The following PTPRN2 variants were observed in gnomAD, a reference collection of about 807,000 sequenced individuals.
PTPRN2 encodes protein tyrosine phosphatase receptor type N2.
A neutral mutation model predicts 118.8 loss-of-function variants in PTPRN2; 74 were observed. That is an observed-to-expected ratio of 0.62 (90% confidence interval 0.52 to 0.76). The LOEUF (loss-of-function observed/expected upper bound fraction) is 0.76, where lower values mean the gene tolerates loss of function less well. PTPRN2 is among the 30% of genes least tolerant of loss of function. The probability of loss-of-function intolerance (pLI) is 0.00; values close to 1 mark genes in which losing one functional copy is unlikely to be tolerated. For synonymous variants in PTPRN2, 641 were observed against 608.0 expected (o/e 1.05, Z -0.80); for missense variants, 1,481 against 1,394.4 (o/e 1.06, Z -0.99).
intron 12 of PTPRN2, among the ~76,000 whole-genome samples, chr7:157,783,618 G>A (rs1333988894): frequency 3.3e-5 from 5 of 151,410 alleles, no homozygotes; most frequent in South Asian, 2.1e-4. Flanking sequence ...AAAAAGTTCT[G>A]CAAAGAAAAG....
intron 3 of PTPRN2, among the ~76,000 whole-genome samples, chr7:158,235,611 G>C (rs1428204015): frequency 6.6e-6 from 1 of 152,202 alleles, no homozygotes; most frequent in African/African-American, 2.4e-5. Flanking sequence ...TGGGAGGAAG[G>C]AAGGAGAGAC....
At chr7:157,545,390 G>T (rs934918670) in intron 22 of PTPRN2, among the ~76,000 whole-genome samples, 1 of 149,370 alleles carries the variant, frequency 6.7e-6, no homozygotes, top group South Asian at 2.2e-4. Flanking sequence ...GAGTGTGGGT[G>T]TGCACTGCGT....
chr7:158,145,867 T>A (rs781628393), intron 6 of PTPRN2, among the ~76,000 whole-genome samples: 4 of 152,170 alleles, frequency 2.6e-5, no homozygotes, highest in Non-Finnish European at 5.9e-5. Context: ...CTGACCATGC[T>A]CCCGGAGTCT....
rs1391555901 is a variant in PTPRN2, at chr7:158,188,447, C to CG, written c.549+3879_549+3880insC. Among the ~76,000 whole-genome samples, 3 of 8,006 alleles carry CG rather than the reference C, an allele frequency of 3.7e-4. 1 individual carries two copies. Among genetic ancestry groups the CG allele is most frequent in the African/African-American group, 2.7e-3 (2 of 728 alleles). The allele number at this position is 8,006 out of a possible 152,430, so 5.3% of individuals were successfully genotyped here. A position where few individuals can be genotyped will look rare whatever the true frequency, so the allele number is the denominator to read the frequency against. Reference sequence around the variant, plus strand: ...ATGGGGAAGGCCGCCACGCTCGCCCCCGATGGGGAAGGCCGCCACGCTCGC... The same window carrying CG: ...ATGGGGAAGGCCGCCACGCTCGCCCCGCGATGGGGAAGGCCGCCACGCTCGC... On this transcript the variant is annotated intron_variant, in intron 5 of 22. Coordinates refer to ENST00000389418, the MANE Select transcript of PTPRN2 (RefSeq NM_002847.5).
intron 3 of PTPRN2, among the ~76,000 whole-genome samples, chr7:158,262,884 T>TA (rs371888713): frequency 7.0e-5 from 6 of 85,776 alleles, no homozygotes; most frequent in Non-Finnish European, 1.2e-4. Flanking sequence ...TGCACACACA[T>TA]ACATTCACAC....
chr7:157,580,615 C>T (rs1485754936), intron 17 of PTPRN2, among the ~76,000 whole-genome samples: 2 of 145,014 alleles, frequency 1.4e-5, no homozygotes, highest in Non-Finnish European at 3.0e-5. Context: ...CCAGCCCCTG[C>T]ACACCCCAGC....
At chr7:157,687,700 A>C (rs1473861801) in intron 12 of PTPRN2, among the ~76,000 whole-genome samples, 1 of 152,176 alleles carries the variant, frequency 6.6e-6, no homozygotes, top group Non-Finnish European at 1.5e-5. Flanking sequence ...AATTATTAGG[A>C]AATTTCATTC....
intron 2 of PTPRN2, among the ~76,000 whole-genome samples, chr7:158,335,264 C>G (rs1303319767): frequency 0.017 from 247 of 14,314 alleles, 69 homozygotes; most frequent in African/African-American, 0.046. Context: ...CACCTGCAGA[C>G]GTCACTCACA....
intron 11 of PTPRN2, among the ~76,000 whole-genome samples, chr7:157,975,886 C>T (rs1417882445): frequency 6.6e-6 from 1 of 152,222 alleles, no homozygotes; most frequent in Non-Finnish European, 1.5e-5. Context: ...GGTCCAGCTG[C>T]TCTGAGCCTG....
chr7:158,497,509 A>C (rs896682423), intron 1 of PTPRN2, among the ~76,000 whole-genome samples: 1 of 152,048 alleles, frequency 6.6e-6, no homozygotes, highest in African/African-American at 2.4e-5. Context: ...ACATGGCTGC[A>C]TTCCTCGCAG....
chr7:158,196,331 G>T (rs1199922227), intron 4 of PTPRN2, among the ~76,000 whole-genome samples: 2 of 152,094 alleles, frequency 1.3e-5, no homozygotes, highest in Non-Finnish European at 2.9e-5. Flanking sequence ...ATCAACTCTG[G>T]CAGGCCACTG....
intron 2 of PTPRN2, among the ~76,000 whole-genome samples, chr7:158,372,569 C>G (rs2151321781): frequency 6.6e-6 from 1 of 151,738 alleles, no homozygotes; most frequent in East Asian, 2.0e-4. Flanking sequence ...GTGCTGGTCC[C>G]TGGAGCTGGT....
intron 2 of PTPRN2, among the ~76,000 whole-genome samples, chr7:158,379,405 A>G (rs1810788190): frequency 6.6e-6 from 1 of 152,108 alleles, no homozygotes; most frequent in Admixed American, 6.5e-5. Flanking sequence ...AGGGGAGGGA[A>G]GGAAGGGTGG....
intron 12 of PTPRN2, among the ~76,000 whole-genome samples, chr7:157,830,456 G>A (rs1178920533): frequency 6.6e-6 from 1 of 152,226 alleles, no homozygotes; most frequent in African/African-American, 2.4e-5. Context: ...CCAGCAGGGA[G>A]GGGCTGGCCG....
At chr7:157,820,961 G>A (rs1053908158) in intron 12 of PTPRN2, among the ~76,000 whole-genome samples, 2 of 152,200 alleles carry the variant, frequency 1.3e-5, no homozygotes, top group African/African-American at 4.8e-5. Context: ...CCCGCAGCCT[G>A]GTGGAGTCTC....
chr7:158,153,508 C>T (rs549452615), intron 6 of PTPRN2, among the ~76,000 whole-genome samples: 1 of 152,278 alleles, frequency 6.6e-6, no homozygotes, highest in East Asian at 1.9e-4. Context: ...CCACAGCCCA[C>T]CCGTCTGTCA....
chr7:158,235,512 G>A (rs1323012801), intron 3 of PTPRN2, among the ~76,000 whole-genome samples: 2 of 152,222 alleles, frequency 1.3e-5, no homozygotes, highest in Non-Finnish European at 2.9e-5. Context: ...AATACTGCAT[G>A]TTCTCACTCA....
chr7:157,809,706 G>A (rs1805861681), intron 12 of PTPRN2, among the ~76,000 whole-genome samples: 2 of 152,180 alleles, frequency 1.3e-5, no homozygotes, highest in African/African-American at 4.8e-5. Context: ...AGGAGCCACA[G>A]AGAGTCGCCC....
chr7:158,247,350 A>G (rs1796324070), intron 3 of PTPRN2, among the ~76,000 whole-genome samples: 1 of 152,174 alleles, frequency 6.6e-6, no homozygotes, highest in African/African-American at 2.4e-5. Context: ...GAGGTGGGGA[A>G]GTGGGGAGGA....
Sources: allele counts gnomAD v4.1 joint callset (sites outside exome capture counted in the v4.1 genomes callset), GRCh38; gene constraint gnomAD v4.1.1; transcripts MANE v1.5; gene names NCBI Gene and HGNC (gene_info 2026-07-23, HGNC 2026-07-21).